ANKRD13C: variants seen among roughly 807,000 people sequenced by gnomAD.
ANKRD13C encodes the protein ankyrin repeat domain 13C.
In ANKRD13C, 16 loss-of-function variants were observed where a neutral mutation model predicts 65.5. The ratio of observed to expected loss-of-function variants is 0.24; its 90% CI spans 0.17 to 0.37. The LOEUF is 0.37. Among genes scored for constraint, ANKRD13C ranks in the 10% least tolerant of loss-of-function variants. The pLI is 1.00. For synonymous variants in ANKRD13C, 235 were observed against 238.7 expected (o/e 0.98, Z 0.14); for missense variants, 503 against 655.9 (o/e 0.77, Z 2.55).
chr1:70,285,249 G>A (rs901996467), intron 9 of ANKRD13C, among the ~76,000 whole-genome samples: 2 of 141,074 alleles, frequency 1.4e-5, no homozygotes, highest in Non-Finnish European at 3.0e-5. Context: ...CTGGAGTGCA[G>A]TAGCATGATC....
At chr1:70,353,035 G>A (rs1016514704) in intron 1 of ANKRD13C, among the ~76,000 whole-genome samples, 2 of 152,122 alleles carry the variant, frequency 1.3e-5, no homozygotes, top group Admixed American at 1.3e-4. Context: ...GCACAAAGTT[G>A]GTTCAGTGTG....
At chr1:70,333,770 A>G (rs1681906102) in intron 2 of ANKRD13C, among the ~76,000 whole-genome samples, 1 of 152,226 alleles carries the variant, frequency 6.6e-6, no homozygotes, top group African/African-American at 2.4e-5. Context: ...CCGCAGATAT[A>G]AAGAACAGCA....
At chr1:70,328,863 T>A (rs536619992) in intron 2 of ANKRD13C, among the ~76,000 whole-genome samples, 50 of 152,248 alleles carry the variant, frequency 3.3e-4, no homozygotes, top group Non-Finnish European at 5.9e-4. Flanking sequence ...GAAATTTTTT[T>A]TAAAAAGAAT....
intron 1 of ANKRD13C, among the ~76,000 whole-genome samples, chr1:70,342,761 C>T (rs1330573537): frequency 7.0e-6 from 1 of 143,712 alleles, no homozygotes; most frequent in Non-Finnish European, 1.5e-5. Context: ...CACACACACA[C>T]ACACACACAC....
At chr1:70,275,692 T>C (rs1679100514) in intron 10 of ANKRD13C, among the ~76,000 whole-genome samples, 1 of 152,110 alleles carries the variant, frequency 6.6e-6, no homozygotes, top group Admixed American at 6.6e-5. Context: ...TCAGGCGCAG[T>C]GGCTCATAGC....
At chr1:70,343,531 A>G (rs1682398222) in intron 1 of ANKRD13C, among the ~76,000 whole-genome samples, 1 of 152,222 alleles carries the variant, frequency 6.6e-6, no homozygotes, top group South Asian at 2.1e-4. Flanking sequence ...ATCCAGTAAT[A>G]TTAAGACCAC....
intron 5 of ANKRD13C, among the ~76,000 whole-genome samples, chr1:70,309,975 T>G (rs900174517): frequency 1.3e-5 from 2 of 152,086 alleles, no homozygotes; most frequent in Admixed American, 1.3e-4. Flanking sequence ...GTGGGGTAGT[T>G]AGTATTATCC....
intron 7 of ANKRD13C, 88 bp downstream of exon 7, chr1:70,300,676 T>G: frequency 7.7e-7 from 1 of 1,297,954 alleles, no homozygotes; most frequent in Non-Finnish European, 1.0e-6. Flanking sequence ...TACCTTAAGC[T>G]TTTAAGCAAA....
chr1:70,336,517 AATT>A (rs1476343112), intron 1 of ANKRD13C, among the ~76,000 whole-genome samples: 1 of 152,022 alleles, frequency 6.6e-6, no homozygotes, highest in Non-Finnish European at 1.5e-5. Context: ...AATAAATAAT[AATT>A]ATTATTTATT....
chr1:70,316,092 A>G (rs1681061185), intron 3 of ANKRD13C, among the ~76,000 whole-genome samples: 1 of 152,220 alleles, frequency 6.6e-6, no homozygotes, highest in Non-Finnish European at 1.5e-5. Context: ...CTAAAAACAT[A>G]TAATTACCTG....
At chr1:70,312,663 T>C (rs1680898797) in intron 5 of ANKRD13C, among the ~76,000 whole-genome samples, 1 of 139,118 alleles carries the variant, frequency 7.2e-6, no homozygotes, top group Non-Finnish European at 1.5e-5. Flanking sequence ...TGAGACTCTG[T>C]CTCCAAAAAA....
Position 70,354,399 on chromosome 1 carries a change from C to T in ANKRD13C, c.10G>A (p.Glu4Lys). 2 of 1,611,168 alleles carry T rather than the reference C, an allele frequency of 1.2e-6. No individual in the cohort carries two copies. Among genetic ancestry groups the T allele is most frequent in the African/African-American group, 1.3e-5 (1 of 75,000 alleles). ...TCCCTCCGCAGTGAGCGGATCTTCT[C>T]CCCGGTCATCGCCGCCGCCAGGGGC... is the stretch of plus-strand genomic sequence containing the variant. MTG[E>K]KIRSLRRDHK... The change falls in exon 1 of 13, where the codon GAG becomes AAG. Residue 4 changes from glutamate (E) to lysine (K), a missense_variant. Transcript: ENST00000370944.
At chr1:70,272,408 C>T (rs546169411) in intron 11 of ANKRD13C, among the ~76,000 whole-genome samples, 7 of 151,620 alleles carry the variant, frequency 4.6e-5, no homozygotes, top group South Asian at 2.1e-4. Context: ...TTAATAGAGA[C>T]GGGGTTTCTC....
At chr1:70,300,654 C>T in intron 7 of ANKRD13C, 110 bp downstream of exon 7, 3 of 980,578 alleles carry the variant, frequency 3.1e-6, no homozygotes, top group African/African-American at 1.7e-5. Flanking sequence ...TAGGAACAAA[C>T]CATCTCAATT....
intron 10 of ANKRD13C, 53 bp from the exon 11 acceptor site, chr1:70,274,871 T>C: frequency 1.8e-6 from 2 of 1,084,222 alleles, no homozygotes; most frequent in Non-Finnish European, 2.8e-6. Context: ...GTCTATCACC[T>C]TCCTAAGAAG....
At chr1:70,321,495 CA>C (rs1681303334) in intron 3 of ANKRD13C, among the ~76,000 whole-genome samples, 1 of 152,108 alleles carries the variant, frequency 6.6e-6, no homozygotes, top group African/African-American at 2.4e-5. Context: ...CAAAGGCCGA[CA>C]GAATTCCCAA....
chr1:70,273,966 C>G (rs1392403016), intron 11 of ANKRD13C, among the ~76,000 whole-genome samples: 1 of 152,030 alleles, frequency 6.6e-6, no homozygotes, highest in East Asian at 2.0e-4. Context: ...AAGACACACT[C>G]ACTTTTAAAT....
chr1:70,306,171 C>A lies in ANKRD13C; in HGVS notation c.776+53G>T, dbSNP rs1448643703. On this transcript the variant is annotated intron_variant, in intron 6 of 12. Transcript: ENST00000370944. ...AAGTTATGATTACAGGGAAAAAAATCTTCCTCTAAATCTCAACTTTCTTTT... is the reference window on the plus strand; with the variant it reads ...AAGTTATGATTACAGGGAAAAAAATATTCCTCTAAATCTCAACTTTCTTTT... The A allele has an allele frequency of 8.4e-6, 11 of 1,310,822 alleles. No individual in the cohort carries two copies. In the East Asian group the frequency reaches 2.5e-4, roughly 30 times the overall value. The allele number at this position is 1,310,822 out of a possible 1,614,324, so 81.2% of individuals were successfully genotyped here.
At chr1:70,305,547 A>G (rs1172374808) in intron 6 of ANKRD13C, 2 of 152,110 alleles carry the variant, frequency 1.3e-5, no homozygotes, top group Non-Finnish European at 2.9e-5. Context: ...ATATGCACAT[A>G]TATACATAAA....
Sources: gnomAD v4.1 joint callset for allele counts (sites outside exome capture counted in the v4.1 genomes callset) on GRCh38, gnomAD v4.1.1 for gene constraint, MANE v1.5 for transcripts, NCBI Gene and HGNC (gene_info 2026-07-23, HGNC 2026-07-21) for gene names.